The following KCNK7 variants were observed in gnomAD, a reference collection of about 807,000 sequenced individuals.
KCNK7 encodes potassium two pore domain channel subfamily K member 7.
In KCNK7, 14 loss-of-function variants were observed where a neutral mutation model predicts 18.1. The ratio of observed to expected loss-of-function variants is 0.77; its 90% confidence interval spans 0.51 to 1.21. The LOEUF (loss-of-function observed/expected upper bound fraction) is 1.21, where lower values mean the gene tolerates loss of function less well. KCNK7 is among the 50% of genes most tolerant of loss of function. KCNK7 has a pLI of 0.00. For missense variants in KCNK7, 385 were observed against 387.3 expected (o/e 0.99, Z 0.05); for synonymous variants, 188 against 184.7 (o/e 1.02, Z -0.15).
chr11:65,592,914 G>T lies in KCNK7; in HGVS notation c.*91C>A. 1.4e-6 allele frequency: 2 copies of T among 1,458,662 alleles called. No homozygotes were observed. The highest frequency in any genetic ancestry group is 1.8e-6 in the Non-Finnish European group (2 of 1,090,480). The allele number at this position is 1,458,662 out of a possible 1,614,324, so 90.4% of individuals were successfully genotyped here. A position where few individuals can be genotyped will look rare whatever the true frequency, so the allele number is the denominator to read the frequency against. On this transcript the variant is annotated 3_prime_UTR_variant, in exon 3 of 3. Transcript: ENST00000340313. ...AGGCCTCCCGCCCACCCTCACCGCG[G>T]CTCCATCTCCAGATTCTTCCCCAGC...
At position 65,592,858 on chromosome 11, in the gene KCNK7, T is replaced by C; in HGVS notation, c.*147A>G. On this transcript the variant is annotated 3_prime_UTR_variant, in exon 3 of 3. Coordinates refer to ENST00000340313, the MANE Select transcript of KCNK7 (RefSeq NM_033347.2). ...AAATAGTTGAAAATAGCCGAAGTCG[T>C]TGCTCATTTTATGATTAACAGTATC... 1.1e-6 allele frequency: 1 copy of C among 915,594 alleles called. No individual in the cohort carries two copies. The highest frequency in any genetic ancestry group is 3.4e-4 in the Middle Eastern group (1 of 2,916). The allele number at this position is 915,594 out of a possible 1,614,324, so 56.7% of individuals were successfully genotyped here.
At chr11:65,595,236 G>A (rs1485021279) in intron 1 of KCNK7, among the ~76,000 whole-genome samples, 1 of 152,238 alleles carries the variant, frequency 6.6e-6, no homozygotes, top group Admixed American at 6.5e-5. Context: ...GGTGCCTGGG[G>A]TGGGACTGGG....
rs755838107 is a variant in KCNK7, at chr11:65,595,493, AGG to A, written c.278_279del (p.Pro93LeufsTer165). On this transcript the variant is annotated frameshift_variant, in exon 1 of 3. Transcript: ENST00000340313. LOFTEE classifies it high-confidence loss of function. The stretch of plus-strand genomic sequence containing the variant: ...ATGCTGGCAGCGAAGAGCAGGGCTG[AGG>A]GAAGGTCCCAGGTCCTGCCCTCTGA... Reference protein sequence around the residue: ...NSSEGRTWDLPSALLFAASIL... With the variant: ...NSSEGRTWDLXSALLFAASIL... 52 of 1,490,974 alleles carry A rather than the reference AGG, an allele frequency of 3.5e-5. No homozygotes were observed. Among genetic ancestry groups the A allele is most frequent in the Non-Finnish European group, 1.4e-5 (16 of 1,109,106 alleles). The allele number at this position is 1,490,974 out of a possible 1,614,324, so 92.4% of individuals were successfully genotyped here.
chr11:65,594,026 G>C (rs111945789), intron 1 of KCNK7, 152 bp from the exon 2 acceptor site: 1 of 744,112 alleles, frequency 1.3e-6, no homozygotes, highest in African/African-American at 1.8e-5. Flanking sequence ...GCTCCTCTTC[G>C]TCAGGGGATC....
At position 65,593,209 on chromosome 11, in the gene KCNK7, A is replaced by G; in HGVS notation, c.720T>C (p.Gly240=). 6.2e-7 allele frequency: 1 copy of G among 1,613,174 alleles called. No individual in the cohort carries two copies. The highest frequency in any genetic ancestry group is 8.5e-7 in the Non-Finnish European group (1 of 1,179,558). Reference sequence around the variant, plus strand: ...TGGCCAAGAGTCCTAGAAGCAAGTAACCTGGGGAGGAGAAGGTGCTGGGGC... The same window carrying G: ...TGGCCAAGAGTCCTAGAAGCAAGTAGCCTGGGGAGGAGAAGGTGCTGGGGC... The part of the protein sequence containing the change: ...IYHLGQLALL[G]YLLLGLLAML... Residue 240 remains glycine, a splice_region_variant and synonymous_variant, in exon 3 of 3, where the codon GGT becomes GGC. Coordinates refer to ENST00000340313, the MANE Select transcript of KCNK7 (RefSeq NM_033347.2).
At chr11:65,594,918 GAC>G (rs2135354520) in intron 1 of KCNK7, among the ~76,000 whole-genome samples, 1 of 152,048 alleles carries the variant, frequency 6.6e-6, no homozygotes, top group African/African-American at 2.4e-5. Context: ...AAAATACTGA[GAC>G]ACTTTGTGGG....
rs550195563 is a variant in KCNK7, at chr11:65,593,563, T to G, written c.631A>C (p.Ser211Arg). ...GAVYFCFSSL[S>R]TIGLEDLLPG... ...AGCAAGTCCTCCAGGCCAATGGTGC[T>G]GAGCGAGCTGAAGCAGAAGTAGACG... Residue 211 changes from serine to arginine, a missense_variant, in exon 2 of 3, where the codon AGC becomes CGC. By Grantham distance (110) the Ser-to-Arg change is moderately radical. Transcript: ENST00000340313. 2 of 1,609,272 alleles carry G rather than the reference T, an allele frequency of 1.2e-6. No individual in the cohort carries two copies. Among genetic ancestry groups the G allele is most frequent in the African/African-American group, 2.7e-5 (2 of 75,036 alleles).
At chr11:65,595,427 C>G in intron 1 of KCNK7, 27 bp downstream of exon 1, 2 of 1,413,974 alleles carry the variant, frequency 1.4e-6, no homozygotes, top group Non-Finnish European at 1.9e-6. Flanking sequence ...AGCCGCACCC[C>G]CCGACTTGGC....
At chr11:65,593,945 A>C in intron 1 of KCNK7, 71 bp from the exon 2 acceptor site, 1 of 1,449,708 alleles carries the variant, frequency 6.9e-7, no homozygotes, top group Non-Finnish European at 9.1e-7. Context: ...TGCCTACCCC[A>C]ATACTGCCTT....
Position 65,592,846 on chromosome 11 carries a change from T to C in KCNK7, c.*159A>G, listed in dbSNP as rs1357006452. On this transcript the variant is annotated 3_prime_UTR_variant, in exon 3 of 3. Transcript: ENST00000340313. ...AAGTCCCATTCGAAATAGTTGAAAA[T>C]AGCCGAAGTCGTTGCTCATTTTATG... 4.6e-5 allele frequency: 40 copies of C among 875,098 alleles called. 2 individuals carry two copies. The highest frequency in any genetic ancestry group is 6.4e-5 in the Non-Finnish European group (38 of 589,656). The allele number at this position is 875,098 out of a possible 1,614,324, so 54.2% of individuals were successfully genotyped here.
intron 1 of KCNK7, among the ~76,000 whole-genome samples, chr11:65,594,775 CAGG>C (rs1347575964): frequency 1.1e-4 from 16 of 151,846 alleles, no homozygotes; most frequent in Non-Finnish European, 1.8e-4. Flanking sequence ...GAGGCTGAGG[CAGG>C]AGAATTGCTA....
rs771045761 is a variant in KCNK7, at chr11:65,595,542, C to T, written c.231G>A (p.Gly77=). 1.3e-5 allele frequency: 21 copies of T among 1,580,170 alleles called. No individual in the cohort carries two copies. The highest frequency in any genetic ancestry group is 1.6e-5 in the Non-Finnish European group (19 of 1,156,872). The change falls in exon 1 of 3, where the codon GGG becomes GGA. Residue 77 remains glycine (G), a synonymous_variant. Coordinates refer to ENST00000340313, the MANE Select transcript of KCNK7 (RefSeq NM_033347.2). The stretch of plus-strand genomic sequence containing the variant: ...CTGAGCTGTTGCCCAGGGTGGAGAC[C>T]CCATGGGCCTGGGTGGCCAGGGCAG... ...LGTALATQAH[G]VSTLGNSSEG... is the part of the protein sequence containing the mutation.
rs990785233 is a variant in KCNK7, at chr11:65,595,633, A to C, written c.140T>G (p.Leu47Arg). 8 of 1,604,300 alleles carry C rather than the reference A, an allele frequency of 5.0e-6. No individual in the cohort carries two copies. The East Asian group carries it at 9.0e-5, about 18-fold the overall frequency. ...CRLQAELRAE[L>R]AAFQAEHRAC... ...CCTATGCTCTGCCTGGAAGGCTGCCAGCTCTGCCCTGAGCTCAGCCTGAAG... is the reference window on the plus strand; with the variant it reads ...CCTATGCTCTGCCTGGAAGGCTGCCCGCTCTGCCCTGAGCTCAGCCTGAAG... The change falls in exon 1 of 3, where the codon CTG (leucine) becomes CGG (arginine). Residue 47 changes from leucine (L) to arginine (R), a missense_variant. Coordinates refer to ENST00000340313, the MANE Select transcript of KCNK7 (RefSeq NM_033347.2).
chr11:65,593,898 C>T, intron 1 of KCNK7, 24 bp from the exon 2 acceptor site: 1 of 1,509,906 alleles, frequency 6.6e-7, no homozygotes, highest in Non-Finnish European at 8.8e-7. Flanking sequence ...AGTCAGTGGA[C>T]AGTGAGAGCT....
intron 1 of KCNK7, among the ~76,000 whole-genome samples, chr11:65,595,053 T>G (rs1052016433): frequency 6.6e-6 from 1 of 152,132 alleles, no homozygotes; most frequent in Non-Finnish European, 1.5e-5. Flanking sequence ...CACAAGCATC[T>G]CATGCCGACT....
At chr11:65,594,171 T>G (rs905206922) in intron 1 of KCNK7, among the ~76,000 whole-genome samples, 1 of 152,194 alleles carries the variant, frequency 6.6e-6, no homozygotes, top group Non-Finnish European at 1.5e-5. Flanking sequence ...ATTCCACAGC[T>G]GGTGGAATAT....
chr11:65,592,904 C>T lies in KCNK7; in HGVS notation c.*101G>A. On this transcript the variant is annotated 3_prime_UTR_variant, in exon 3 of 3. Transcript: ENST00000340313. ...GTATCCTCTGAGGCCTCCCGCCCAC[C>T]CTCACCGCGGCTCCATCTCCAGATT... 7.1e-7 allele frequency: 1 copy of T among 1,405,020 alleles called. No individual in the cohort carries two copies. The highest frequency in any genetic ancestry group is 9.5e-7 in the Non-Finnish European group (1 of 1,052,172). 87.0% of individuals were successfully genotyped at this position (1,405,020 alleles called of 1,614,324 possible).
chr11:65,593,958 G>A (rs925150453), intron 1 of KCNK7, 84 bp from the exon 2 acceptor site: 89 of 1,399,994 alleles, frequency 6.4e-5, no homozygotes, highest in East Asian at 1.8e-4. Flanking sequence ...ACTGCCTTCC[G>A]CAGAAGGCTG....
intron 1 of KCNK7, 26 bp from the exon 2 acceptor site, chr11:65,593,900 G>C (rs764975514): frequency 6.6e-7 from 1 of 1,508,454 alleles, no homozygotes; most frequent in Non-Finnish European, 8.8e-7. Context: ...TCAGTGGACA[G>C]TGAGAGCTCT....
Sources: gnomAD v4.1 joint callset for allele counts (sites outside exome capture counted in the v4.1 genomes callset) on GRCh38, gnomAD v4.1.1 for gene constraint, MANE v1.5 for transcripts, NCBI Gene and HGNC (gene_info 2026-07-23, HGNC 2026-07-21) for gene names.